The following REEP1 variants were observed in gnomAD, a reference collection of about 807,000 sequenced individuals.
REEP1 encodes receptor accessory protein 1.
A neutral mutation model predicts 40.3 loss-of-function variants in REEP1; 22 were observed. The observed-to-expected ratio is 0.55, with a 90% CI of 0.39 to 0.78. REEP1 has a LOEUF of 0.78. REEP1 is among the 30% of genes least tolerant of loss of function. The pLI is 0.00. For missense variants in REEP1, 280 were observed against 361.1 expected, an observed-to-expected ratio of 0.78 and a Z score of 1.82; for synonymous variants, 116 against 139.2, an observed-to-expected ratio of 0.83 and a Z score of 1.17.
chr2:86,305,455 G>A (rs954111436), intron 1 of REEP1, among the ~76,000 whole-genome samples: 1 of 152,178 alleles, frequency 6.6e-6, no homozygotes, highest in African/African-American at 2.4e-5. Flanking sequence ...ACAGCCTGTG[G>A]GAGATTTCCT....
rs200132323 is a variant in REEP1, at chr2:86,214,989, C to CA, written c.*2049dup. Reference sequence around the variant, plus strand: ...TGCTAAAGGCAATTTATTGTTTCGGCAAAAAAAAAAAAATTGCTAAGAAGC... The same window carrying CA: ...TGCTAAAGGCAATTTATTGTTTCGGCAAAAAAAAAAAAAATTGCTAAGAAGC... On this transcript the variant is annotated 3_prime_UTR_variant, in exon 9 of 9. Coordinates refer to ENST00000538924, the MANE Select transcript of REEP1 (RefSeq NM_001371279.1). 44,098 of 92,340 alleles carry CA rather than the reference C, an allele frequency of 0.48. 9,336 individuals are homozygous for CA. Among genetic ancestry groups the CA allele is most frequent in the East Asian group, 0.87 (3,531 of 4,076 alleles). The allele number at this position is 92,340 out of a possible 1,614,324, so 5.7% of individuals were successfully genotyped here. A position where few individuals can be genotyped will look rare whatever the true frequency, so the allele number is the denominator to read the frequency against.
At chr2:86,222,256 A>G (rs1017413788) in intron 7 of REEP1, among the ~76,000 whole-genome samples, 1 of 152,134 alleles carries the variant, frequency 6.6e-6, no homozygotes, top group Admixed American at 6.5e-5. Context: ...AAAAGAAATG[A>G]CCCTCCAGCC....
intron 1 of REEP1, among the ~76,000 whole-genome samples, chr2:86,302,086 G>C (rs938377958): frequency 6.6e-6 from 1 of 152,350 alleles, no homozygotes; most frequent in East Asian, 1.9e-4. Flanking sequence ...CTAATGGAGT[G>C]CTGCCTGCAG....
chr2:86,288,378 G>C (rs146894009), intron 1 of REEP1, among the ~76,000 whole-genome samples: 1 of 152,038 alleles, frequency 6.6e-6, no homozygotes, highest in Admixed American at 6.6e-5. Context: ...GGCTGGTCCC[G>C]AACTCCTGGA....
chr2:86,328,576 G>A (rs1680620124), intron 1 of REEP1, among the ~76,000 whole-genome samples: 1 of 152,234 alleles, frequency 6.6e-6, no homozygotes, highest in Non-Finnish European at 1.5e-5. Context: ...CTACTCGGGA[G>A]GCTGAGGCAG....
chr2:86,309,145 TTC>T (rs917500466), intron 1 of REEP1, among the ~76,000 whole-genome samples: 1 of 152,164 alleles, frequency 6.6e-6, no homozygotes, highest in Non-Finnish European at 1.5e-5. Flanking sequence ...GGAATTACAT[TTC>T]TCTCTCTCCA....
intron 1 of REEP1, among the ~76,000 whole-genome samples, chr2:86,319,292 G>A (rs1680171064): frequency 6.6e-6 from 1 of 152,172 alleles, no homozygotes; most frequent in African/African-American, 2.4e-5. Flanking sequence ...ATGGTCCCCA[G>A]ACCACATTTT....
In REEP1 at chr2:86,227,209, T is replaced by C. The variant is rs78759166; in HGVS notation, c.631+154A>G. Among the ~76,000 whole-genome samples, 124 of 152,334 alleles carry C rather than the reference T, an allele frequency of 8.1e-4. 1 individual carries two copies. The East Asian group carries it at 0.023, about 28-fold the overall frequency. ...TTTCTAGCCCACAGGAACTGTAAGC[T>C]ACTGTGTTTGCTGTTATAAAGGGTT... On this transcript the variant is annotated intron_variant, in intron 7 of 8. Coordinates refer to ENST00000538924, the MANE Select transcript of REEP1 (RefSeq NM_001371279.1).
intron 1 of REEP1, among the ~76,000 whole-genome samples, chr2:86,284,745 G>A (rs13024964): frequency 0.29 from 44,178 of 152,018 alleles, 7,866 homozygotes; most frequent in Non-Finnish European, 0.4. Flanking sequence ...TGGGATCCCC[G>A]TGAACCCGTG....
chr2:86,301,225 C>G (rs1428453724), intron 1 of REEP1, among the ~76,000 whole-genome samples: 4 of 152,206 alleles, frequency 2.6e-5, no homozygotes, highest in African/African-American at 9.7e-5. Context: ...CTGATCACAG[C>G]ACCAGCGGAA....
intron 1 of REEP1, among the ~76,000 whole-genome samples, chr2:86,334,001 G>A (rs574297580): frequency 2.6e-5 from 4 of 152,272 alleles, no homozygotes; most frequent in East Asian, 1.9e-4. Context: ...GCTGACCTCC[G>A]TCCCCAGGGG....
chr2:86,317,274 C>T (rs1279096280), intron 1 of REEP1, among the ~76,000 whole-genome samples: 1 of 152,048 alleles, frequency 6.6e-6, no homozygotes, highest in Non-Finnish European at 1.5e-5. Flanking sequence ...GAAAAAAAAA[C>T]ACCAATAAAG....
chr2:86,248,253 C>T (rs1244278801), intron 5 of REEP1, among the ~76,000 whole-genome samples: 1 of 151,730 alleles, frequency 6.6e-6, no homozygotes, highest in Non-Finnish European at 1.5e-5. Context: ...AACACTCTCT[C>T]TTGCATCCCT....
chr2:86,268,051 T>C (rs1165755216), intron 2 of REEP1, among the ~76,000 whole-genome samples: 1 of 152,084 alleles, frequency 6.6e-6, no homozygotes, highest in Non-Finnish European at 1.5e-5. Context: ...ACATTAGACT[T>C]ACTGGTGAGA....
chr2:86,256,480 A>G (rs1045481981), intron 3 of REEP1, among the ~76,000 whole-genome samples: 8 of 152,024 alleles, frequency 5.3e-5, no homozygotes, highest in African/African-American at 1.4e-4. Context: ...ACCTGCCCCA[A>G]TCATCCCAGG....
chr2:86,291,401 G>A (rs1678685277), intron 1 of REEP1, among the ~76,000 whole-genome samples: 1 of 152,120 alleles, frequency 6.6e-6, no homozygotes, highest in African/African-American at 2.4e-5. Flanking sequence ...AGCTGATCTT[G>A]GGAAAACAGA....
At chr2:86,295,043 AAAAAG>A (rs943005108) in intron 1 of REEP1, among the ~76,000 whole-genome samples, 1 of 152,158 alleles carries the variant, frequency 6.6e-6, no homozygotes, top group African/African-American at 2.4e-5. Flanking sequence ...TATTTTAAAA[AAAAAG>A]AAAAGAAAAG....
At chr2:86,283,649 C>A (rs1189829824) in intron 1 of REEP1, among the ~76,000 whole-genome samples, 3 of 152,228 alleles carry the variant, frequency 2.0e-5, no homozygotes, top group Non-Finnish European at 2.9e-5. Context: ...GTTAACTGAA[C>A]CAAGTCCGTT....
At chr2:86,279,632 G>A (rs1377663984) in intron 2 of REEP1, among the ~76,000 whole-genome samples, 1 of 152,196 alleles carries the variant, frequency 6.6e-6, no homozygotes, top group Non-Finnish European at 1.5e-5. Flanking sequence ...TCCTTAAAGT[G>A]GAGAACCTTT....
Sources: allele counts gnomAD v4.1 joint callset (sites outside exome capture counted in the v4.1 genomes callset), GRCh38; gene constraint gnomAD v4.1.1; transcripts MANE v1.5; gene names NCBI Gene and HGNC (gene_info 2026-07-23, HGNC 2026-07-21).